GPR158: variants seen among roughly 807,000 people sequenced by gnomAD.
GPR158 encodes the protein metabotropic glycine receptor.
GPR158 carries 30 observed loss-of-function variants against 78.2 expected under a neutral mutation model. The ratio of observed to expected loss-of-function variants is 0.38; its 90% CI spans 0.29 to 0.52. The LOEUF is 0.52. Ranked by LOEUF, GPR158 falls within the 20% of genes least tolerant of loss-of-function variation. GPR158 has a pLI of 0.83. For missense variants in GPR158, 1,463 were observed against 1,523.5 expected (o/e 0.96, Z 0.66); for synonymous variants, 581 against 591.1 (o/e 0.98, Z 0.25).
intron 2 of GPR158, among the ~76,000 whole-genome samples, chr10:25,285,830 A>G (rs555329291): frequency 1.3e-5 from 2 of 152,328 alleles, no homozygotes; most frequent in African/African-American, 4.8e-5. Flanking sequence ...CTGGCAAAAA[A>G]TTCTCCTTTG....
At chr10:25,557,426 A>G (rs1836800561) in intron 6 of GPR158, among the ~76,000 whole-genome samples, 1 of 152,188 alleles carries the variant, frequency 6.6e-6, no homozygotes, top group Non-Finnish European at 1.5e-5. Context: ...CCCAGAAACC[A>G]TGAAAACAAG....
chr10:25,322,057 T>C (rs1854956665), intron 2 of GPR158, among the ~76,000 whole-genome samples: 2 of 152,148 alleles, frequency 1.3e-5, no homozygotes, highest in Non-Finnish European at 2.9e-5. Flanking sequence ...CAGACCACGT[T>C]GTAGTTATAT....
intron 2 of GPR158, among the ~76,000 whole-genome samples, chr10:25,286,117 A>C (rs184841462): frequency 6.6e-6 from 1 of 151,958 alleles, no homozygotes; most frequent in Non-Finnish European, 1.5e-5. Context: ...GTGTGTGTGC[A>C]TGCATTTTTT....
At chr10:25,492,315 A>C (rs1235204393) in intron 5 of GPR158, among the ~76,000 whole-genome samples, 1 of 152,176 alleles carries the variant, frequency 6.6e-6, no homozygotes, top group African/African-American at 2.4e-5. Flanking sequence ...TCAAATAGAA[A>C]ACAGGCTGGT....
Position 25,175,504 on chromosome 10 carries a change from C to A in GPR158, c.84C>A (p.Pro28=). The A allele has an allele frequency of 6.2e-7, 1 of 1,612,362 alleles. No individual in the cohort carries two copies. The highest frequency in any genetic ancestry group is 8.5e-7 in the Non-Finnish European group (1 of 1,179,730). Residue 28 remains proline (P), a synonymous_variant, in exon 1 of 11, where the codon CCC becomes CCA. Coordinates refer to ENST00000376351, the MANE Select transcript of GPR158 (RefSeq NM_020752.3). The surrounding 1 kb of genome is among the most constrained non-coding windows in gnomAD (Gnocchi z 6.4). ...GLGAVGASRD[P]QGRPDSPRER... ...GAGCTGTTGGCGCCAGCCGCGACCC[C>A]CAAGGACGGCCGGATTCCCCTCGAG...
Position 25,175,823 on chromosome 10 carries a change from T to A in GPR158, c.403T>A (p.Phe135Ile). The A allele has an allele frequency of 1.9e-6, 3 of 1,612,992 alleles. No homozygotes were observed. The highest frequency in any genetic ancestry group is 2.5e-6 in the Non-Finnish European group (3 of 1,179,960). The part of the protein sequence containing the change: ...ALDTLTHATN[F>I]LNVMLQSNKS... ...GGACACACTGACACACGCCACCAAC[T>A]TCCTCAACGTGATGCTGCAGAGCAA... Residue 135 changes from phenylalanine to isoleucine, a missense_variant, in exon 1 of 11, where the codon TTC becomes ATC. By Grantham distance (21) the Phe-to-Ile change is conservative (BLOSUM62 0). Coordinates refer to ENST00000376351, the MANE Select transcript of GPR158 (RefSeq NM_020752.3). The surrounding 1 kb of genome is among the most constrained non-coding windows in gnomAD (Gnocchi z 6.4).
chr10:25,589,513 C>T (rs1401043035), intron 8 of GPR158, among the ~76,000 whole-genome samples: 6 of 152,112 alleles, frequency 3.9e-5, no homozygotes, highest in African/African-American at 7.2e-5. Context: ...TCTATATTTT[C>T]ATTTATGTTT....
At chr10:25,483,865 C>G (rs1196064468) in intron 5 of GPR158, among the ~76,000 whole-genome samples, 2 of 152,066 alleles carry the variant, frequency 1.3e-5, no homozygotes, top group Non-Finnish European at 2.9e-5. Context: ...AGACCAAGAC[C>G]ACGTCTGCTG....
intron 2 of GPR158, among the ~76,000 whole-genome samples, chr10:25,373,758 A>T (rs1286302366): frequency 6.6e-6 from 1 of 151,762 alleles, no homozygotes; most frequent in Non-Finnish European, 1.5e-5. Context: ...TTTGTGACTT[A>T]TTTCTGTATG....
Position 25,229,216 on chromosome 10 carries a change from T to G in GPR158, c.1008+8059T>G, listed in dbSNP as rs202092387. On this transcript the variant is annotated intron_variant, in intron 2 of 10. Coordinates refer to ENST00000376351, the MANE Select transcript of GPR158 (RefSeq NM_020752.3). ...GAAGAAGACGATGGAGAAAGACAAT[T>G]TGAAGAACCTTGAGCATACCTGTGA... Among the ~76,000 whole-genome samples the G allele has an allele frequency of 5.9e-5, 9 of 152,134 alleles. No homozygotes were observed. In the East Asian group the frequency reaches 1.7e-3, roughly 30 times the overall value.
At chr10:25,537,192 C>T (rs1313863798) in intron 5 of GPR158, among the ~76,000 whole-genome samples, 1 of 152,208 alleles carries the variant, frequency 6.6e-6, no homozygotes. Flanking sequence ...TATAGTCTTT[C>T]CAACCAAAAC....
intron 1 of GPR158, among the ~76,000 whole-genome samples, chr10:25,191,904 C>G (rs1852776240): frequency 6.6e-6 from 1 of 152,156 alleles, no homozygotes; most frequent in Non-Finnish European, 1.5e-5. Flanking sequence ...TAGGGGCTAT[C>G]ATAAGAGCAA....
At chr10:25,452,257 G>A (rs945093169) in intron 4 of GPR158, among the ~76,000 whole-genome samples, 1 of 151,900 alleles carries the variant, frequency 6.6e-6, no homozygotes, top group African/African-American at 2.4e-5. Flanking sequence ...CATTGCCCAG[G>A]CTGGTCTCAA....
intron 4 of GPR158, among the ~76,000 whole-genome samples, chr10:25,436,731 G>T (rs1397273454): frequency 6.6e-6 from 1 of 152,180 alleles, no homozygotes; most frequent in Non-Finnish European, 1.5e-5. Context: ...TGATGGTTGA[G>T]GAAGTAGAGA....
intron 1 of GPR158, among the ~76,000 whole-genome samples, chr10:25,209,341 C>A (rs374773703): frequency 5.3e-4 from 81 of 152,254 alleles, no homozygotes; most frequent in African/African-American, 1.9e-3. Context: ...TCTTGAATAC[C>A]CTCATCATGG....
chr10:25,317,462 T>C (rs1292919852), intron 2 of GPR158, among the ~76,000 whole-genome samples: 1 of 152,006 alleles, frequency 6.6e-6, no homozygotes, highest in Non-Finnish European at 1.5e-5. Context: ...TCTGATATGA[T>C]GTTTATTTTT....
chr10:25,504,318 G>A (rs1835982471), intron 5 of GPR158, among the ~76,000 whole-genome samples: 1 of 152,130 alleles, frequency 6.6e-6, no homozygotes, highest in African/African-American at 2.4e-5. Flanking sequence ...TAGTGGGGCT[G>A]CCCAAGTACC....
At chr10:25,391,444 C>T (rs538506578) in intron 2 of GPR158, among the ~76,000 whole-genome samples, 2 of 152,324 alleles carry the variant, frequency 1.3e-5, no homozygotes, top group East Asian at 3.9e-4. Flanking sequence ...ATGGGAACCC[C>T]TTCTTGCATC....
chr10:25,323,137 G>T (rs192905109), intron 2 of GPR158, among the ~76,000 whole-genome samples: 2 of 152,196 alleles, frequency 1.3e-5, no homozygotes, highest in African/African-American at 4.8e-5. Flanking sequence ...GAGCCACCGC[G>T]CCTGGCCTCT....
Sources: gnomAD v4.1 joint callset for allele counts (sites outside exome capture counted in the v4.1 genomes callset) on GRCh38, gnomAD v4.1.1 for gene constraint, Gnocchi (gnomAD v3.1) non-coding constraint, MANE v1.5 for transcripts, NCBI Gene and HGNC (gene_info 2026-07-23, HGNC 2026-07-21) for gene names.